Variants in MAP2K6 observed in about 807,000 individuals in gnomAD.
MAP2K6 encodes the protein dual specificity mitogen-activated protein kinase kinase 6.
A neutral mutation model predicts 53.7 loss-of-function variants in MAP2K6; 16 were observed. The ratio of observed to expected loss-of-function variants is 0.30; its 90% CI spans 0.20 to 0.45. The LOEUF is 0.45. Ranked by LOEUF, MAP2K6 falls within the 20% of genes least tolerant of loss-of-function variation. The pLI is 1.00. For missense variants in MAP2K6, 204 were observed against 411.9 expected, an observed-to-expected ratio of 0.50 and a Z score of 4.37; for synonymous variants, 132 against 143.1, an observed-to-expected ratio of 0.92 and a Z score of 0.55.
At chr17:69,431,890 A>G (rs1288776036) in intron 1 of MAP2K6, among the ~76,000 whole-genome samples, 1 of 152,218 alleles carries the variant, frequency 6.6e-6, no homozygotes, top group Non-Finnish European at 1.5e-5. Flanking sequence ...CTGAGATGAC[A>G]TTCTCTGTCT....
chr17:69,468,131 G>A (rs759318164), intron 1 of MAP2K6, among the ~76,000 whole-genome samples: 24 of 152,090 alleles, frequency 1.6e-4, no homozygotes, highest in Non-Finnish European at 2.9e-4. Context: ...ACCCCTTCCC[G>A]CATTCCTAGA....
intron 5 of MAP2K6, chr17:69,520,067 G>T (rs1267409205): frequency 3.8e-6 from 2 of 527,868 alleles, no homozygotes; most frequent in South Asian, 5.0e-5. Context: ...GTTCTGCTTG[G>T]CTACCTACTG....
At chr17:69,516,617 A>G (rs1188756786) in intron 2 of MAP2K6, among the ~76,000 whole-genome samples, 1 of 152,204 alleles carries the variant, frequency 6.6e-6, no homozygotes, top group East Asian at 1.9e-4. Context: ...TTCACAATAT[A>G]GGTATATTAA....
intron 1 of MAP2K6, among the ~76,000 whole-genome samples, chr17:69,446,945 A>G (rs1205878450): frequency 2.0e-5 from 3 of 149,494 alleles, no homozygotes; most frequent in Non-Finnish European, 4.5e-5. Context: ...GATGATTTAT[A>G]TAACTTTGTA....
chr17:69,505,675 T>C (rs759741125), intron 1 of MAP2K6, 105 bp from the exon 2 acceptor site: 1 of 875,330 alleles, frequency 1.1e-6, no homozygotes, highest in South Asian at 1.3e-5. Context: ...AATGGAGACA[T>C]GAGAGCTGCC....
intron 1 of MAP2K6, among the ~76,000 whole-genome samples, chr17:69,460,123 G>C (rs1907571255): frequency 6.6e-6 from 1 of 152,062 alleles, no homozygotes; most frequent in African/African-American, 2.4e-5. Flanking sequence ...TGGGGATAGA[G>C]CAATGAAACA....
At chr17:69,459,635 C>T (rs1384993761) in intron 1 of MAP2K6, among the ~76,000 whole-genome samples, 3 of 148,366 alleles carry the variant, frequency 2.0e-5, no homozygotes, top group Non-Finnish European at 4.4e-5. Flanking sequence ...TCGCTTGAAC[C>T]CGAAAGGCGG....
intron 7 of MAP2K6, chr17:69,521,821 A>ACAAC (rs1273299568): frequency 1.4e-4 from 20 of 145,092 alleles, no homozygotes; most frequent in Admixed American, 2.7e-4. Context: ...AAAAAAAAAA[A>ACAAC]AAAAAAAAAA....
At position 69,436,199 on chromosome 17, in the gene MAP2K6, CT is replaced by C. The variant is rs1478169924; in HGVS notation, c.16+21200del. Among the ~76,000 whole-genome samples, 19 of 152,242 alleles carry C rather than the reference CT, an allele frequency of 1.2e-4. No individual in the cohort carries two copies. The Middle Eastern group carries it at 0.014, about 109-fold the overall frequency. Reference sequence around the variant, plus strand: ...TTCCATCCTTTTCCTGGAGCTTCTGCTATCCTAATCCCTCACCCTCCAAGAG... The same window carrying C: ...TTCCATCCTTTTCCTGGAGCTTCTGCATCCTAATCCCTCACCCTCCAAGAG... On this transcript the variant is annotated intron_variant, in intron 1 of 11. Transcript: ENST00000590474.
In MAP2K6 at chr17:69,455,851, GTTTTTTTTTTTTTT is replaced by G. The variant is rs11317793; in HGVS notation, c.16+40864_16+40877del. Among the ~76,000 whole-genome samples the G allele has an allele frequency of 5.8e-3, 550 of 95,396 alleles. 2 individuals carry two copies. Among genetic ancestry groups the G allele is most frequent in the Non-Finnish European group, 7.8e-3 (393 of 50,676 alleles). 62.6% of individuals were successfully genotyped at this position (95,396 alleles called of 152,430 possible). On this transcript the variant is annotated intron_variant, in intron 1 of 11. Coordinates refer to ENST00000590474, the MANE Select transcript of MAP2K6 (RefSeq NM_002758.4). Reference sequence around the variant, plus strand: ...GACTGAGTGGGTTCCTGGACTTTCAGTTTTTTTTTTTTTTTTTTTTTTTTTTAAGACAGAGTTTT... The same window carrying G: ...GACTGAGTGGGTTCCTGGACTTTCAGTTTTTTTTTTTTAAGACAGAGTTTT...
chr17:69,492,208 C>T (rs1908778234), intron 1 of MAP2K6, among the ~76,000 whole-genome samples: 1 of 152,158 alleles, frequency 6.6e-6, no homozygotes, highest in Admixed American at 6.5e-5. Flanking sequence ...TTGGCATCTT[C>T]ATTATGAAAT....
intron 1 of MAP2K6, among the ~76,000 whole-genome samples, chr17:69,468,464 A>G (rs1290856966): frequency 6.6e-6 from 1 of 152,250 alleles, no homozygotes; most frequent in African/African-American, 2.4e-5. Flanking sequence ...CTTAGTTTCT[A>G]GTACTGAAGG....
chr17:69,418,365 G>T (rs940014458), intron 1 of MAP2K6, among the ~76,000 whole-genome samples: 2 of 152,024 alleles, frequency 1.3e-5, no homozygotes, highest in Non-Finnish European at 2.9e-5. Flanking sequence ...TTACTTTAAT[G>T]ACTCCCCAGT....
At position 69,551,061 on chromosome 17, in the gene MAP2K6, A is replaced by C. The variant is rs1345750621; in HGVS notation, c.*9308A>C. On this transcript the variant is annotated 3_prime_UTR_variant, in exon 12 of 12. Transcript: ENST00000590474. ...CATGCATTATAGATCCTTACATGCG[A>C]CATTTTCCTAAAGTGGTTGAGAATG... 2 of 152,190 alleles carry C rather than the reference A, an allele frequency of 1.3e-5. No homozygotes were observed. The highest frequency in any genetic ancestry group is 4.8e-5 in the African/African-American group (2 of 41,446). The allele number at this position is 152,190 out of a possible 1,614,324, so 9.4% of individuals were successfully genotyped here.
In MAP2K6 at chr17:69,464,407, A is replaced by G. The variant is rs1016515491; in HGVS notation, c.17-41373A>G. On this transcript the variant is annotated intron_variant, in intron 1 of 11. Transcript: ENST00000590474. ...GAGACAGAGTCTTGCTCTTTTGTCC[A>G]GGCTGGAGTTCGAGTCCAGGCTGGA... 3.3e-5 allele frequency among the ~76,000 whole-genome samples: 5 copies of G among 151,990 alleles called. No individual in the cohort carries two copies. In the East Asian group the frequency reaches 9.7e-4, roughly 29 times the overall value.
At chr17:69,422,424 G>A (rs1318112167) in intron 1 of MAP2K6, among the ~76,000 whole-genome samples, 1 of 152,120 alleles carries the variant, frequency 6.6e-6, no homozygotes, top group African/African-American at 2.4e-5. Context: ...GAGCCACCAC[G>A]CCTGGCCAAA....
chr17:69,480,402 G>A (rs555546815), intron 1 of MAP2K6, among the ~76,000 whole-genome samples: 6 of 152,130 alleles, frequency 3.9e-5, no homozygotes, highest in Non-Finnish European at 8.8e-5. Flanking sequence ...GTCTTACCCC[G>A]GGGACTAGTT....
At chr17:69,479,718 T>TC (rs1304013409) in intron 1 of MAP2K6, among the ~76,000 whole-genome samples, 2 of 147,808 alleles carry the variant, frequency 1.4e-5, no homozygotes, top group Non-Finnish European at 3.0e-5. Context: ...TTCCTTTTGT[T>TC]CTTTTTTTTT....
Position 69,519,810 on chromosome 17 carries a change from A to AT in MAP2K6, c.366+379dup, listed in dbSNP as rs758088515. The AT allele has an allele frequency of 1.4e-3, 296 of 214,346 alleles. 2 individuals are homozygous for AT. The highest frequency in any genetic ancestry group is 2.2e-3 in the Non-Finnish European group (238 of 108,982). 13.3% of individuals were successfully genotyped at this position (214,346 alleles called of 1,614,324 possible). The stretch of plus-strand genomic sequence containing the variant: ...TTGTGTACTATATAGACTTACTTTG[A>AT]TCTCTTTTCTCTACCTCTGTTTTCC... On this transcript the variant is annotated intron_variant, in intron 5 of 11. Transcript: ENST00000590474.
Sources: allele counts gnomAD v4.1 joint callset (sites outside exome capture counted in the v4.1 genomes callset), GRCh38; gene constraint gnomAD v4.1.1; transcripts MANE v1.5; gene names NCBI Gene and HGNC (gene_info 2026-07-23, HGNC 2026-07-21).